Variants in RAB10 observed in about 807,000 individuals in gnomAD.
RAB10 encodes RAB10, member RAS oncogene family.
RAB10 carries 5 observed loss-of-function variants against 25.7 expected under a neutral mutation model. The ratio of observed to expected loss-of-function variants is 0.19; its 90% CI spans 0.10 to 0.41. The LOEUF is 0.41. RAB10 is among the 10% of genes least tolerant of loss of function. RAB10 has a pLI of 1.00. For synonymous variants in RAB10, 89 were observed against 86.4 expected (o/e 1.03, Z -0.16); for missense variants, 103 against 245.8 (o/e 0.42, Z 3.89).
chr2:26,045,342 C>T (rs966366267), intron 1 of RAB10, among the ~76,000 whole-genome samples: 5 of 151,894 alleles, frequency 3.3e-5, no homozygotes, highest in African/African-American at 1.2e-4. Flanking sequence ...CGGGTTCACG[C>T]CATTCTCCTG....
rs1311779576 is a variant in RAB10, at chr2:26,137,252, G to A, written c.*2231G>A. 6.6e-6 allele frequency: 1 copy of A among 152,620 alleles called. No individual in the cohort carries two copies. Among genetic ancestry groups the A allele is most frequent in the Non-Finnish European group, 1.5e-5 (1 of 68,032 alleles). 9.5% of individuals were successfully genotyped at this position (152,620 alleles called of 1,614,324 possible). On this transcript the variant is annotated 3_prime_UTR_variant, in exon 6 of 6. Transcript: ENST00000264710. ...TCTGTTTGAAACATGAGTTTTATTT[G>A]CTTAATATTAGGGCTTTGCCCCTTT...
At chr2:26,112,910 G>C (rs1389353203) in intron 3 of RAB10, among the ~76,000 whole-genome samples, 3 of 152,074 alleles carry the variant, frequency 2.0e-5, no homozygotes, top group Non-Finnish European at 2.9e-5. Flanking sequence ...GTGAAACCCT[G>C]TCTCTATGAA....
chr2:26,086,102 G>A (rs1666981361), intron 1 of RAB10, among the ~76,000 whole-genome samples: 1 of 151,448 alleles, frequency 6.6e-6, no homozygotes, highest in Non-Finnish European at 1.5e-5. Context: ...ATCACCTGAG[G>A]CCAGGAGTTC....
chr2:26,102,665 C>T (rs1314033103), intron 2 of RAB10, among the ~76,000 whole-genome samples: 1 of 152,120 alleles, frequency 6.6e-6, no homozygotes, highest in Non-Finnish European at 1.5e-5. Context: ...GTCTCGATCT[C>T]CTGACCTTGT....
chr2:26,078,088 T>C (rs180984140), intron 1 of RAB10, among the ~76,000 whole-genome samples: 2 of 152,250 alleles, frequency 1.3e-5, no homozygotes, highest in Admixed American at 1.3e-4. Flanking sequence ...CCATTTACAG[T>C]AGCATCAAAA....
intron 1 of RAB10, among the ~76,000 whole-genome samples, chr2:26,089,363 G>A (rs1264865004): frequency 1.3e-5 from 2 of 151,472 alleles, no homozygotes; most frequent in African/African-American, 4.9e-5. Flanking sequence ...GTGGAGGTTG[G>A]AGTGAGCAGA....
intron 1 of RAB10, among the ~76,000 whole-genome samples, chr2:26,061,941 C>A (rs562613633): frequency 6.7e-4 from 102 of 152,146 alleles, no homozygotes; most frequent in Non-Finnish European, 1.3e-3. Context: ...CCAGGCTAAA[C>A]ATCATATGCT....
At chr2:26,126,303 C>T (rs755296084) in intron 3 of RAB10, among the ~76,000 whole-genome samples, 1 of 152,112 alleles carries the variant, frequency 6.6e-6, no homozygotes, top group Non-Finnish European at 1.5e-5. Context: ...TTTGGCTGGG[C>T]TCAGTGGCTC....
chr2:26,108,877 TTATATTTATTTATTTATTTATTTA>T (rs1667516883), intron 2 of RAB10, among the ~76,000 whole-genome samples: 1 of 126,972 alleles, frequency 7.9e-6, no homozygotes, highest in African/African-American at 3.1e-5. Flanking sequence ...GTCTTTTGCT[TTATATTTATTTATTTATTTATTTA>T]TTTATTTATT....
chr2:26,129,306 A>G (rs1667967340), intron 5 of RAB10, among the ~76,000 whole-genome samples: 1 of 151,728 alleles, frequency 6.6e-6, no homozygotes, highest in Admixed American at 6.6e-5. Flanking sequence ...AATCTGACAC[A>G]CATCCTAAAA....
At chr2:26,122,713 C>T (rs1270736363) in intron 3 of RAB10, among the ~76,000 whole-genome samples, 11 of 151,772 alleles carry the variant, frequency 7.2e-5, no homozygotes, top group South Asian at 6.3e-4. Context: ...TAAAGCAAAA[C>T]GGAAGAGAAG....
chr2:26,122,959 T>C (rs1430293898), intron 3 of RAB10, among the ~76,000 whole-genome samples: 1 of 152,048 alleles, frequency 6.6e-6, no homozygotes, highest in African/African-American at 2.4e-5. Flanking sequence ...GCACAGGGAA[T>C]TAAGGCAGGA....
chr2:26,063,423 T>G (rs1666450776), intron 1 of RAB10, among the ~76,000 whole-genome samples: 1 of 81,710 alleles, frequency 1.2e-5, no homozygotes, highest in Non-Finnish European at 2.7e-5. Flanking sequence ...CTCACATTCT[T>G]TATGTGATTT....
At chr2:26,070,711 C>T (rs1666606043) in intron 1 of RAB10, among the ~76,000 whole-genome samples, 1 of 152,020 alleles carries the variant, frequency 6.6e-6, no homozygotes, top group African/African-American at 2.4e-5. Context: ...TTGGTTCCAC[C>T]TAAATTTTCT....
chr2:26,116,897 CTG>C, intron 3 of RAB10, among the ~76,000 whole-genome samples: 2 of 151,364 alleles, frequency 1.3e-5, no homozygotes, highest in South Asian at 4.2e-4. Flanking sequence ...GAGGGTCTTG[CTG>C]TGTTGCCCAG....
chr2:26,055,993 C>T (rs1461353612), intron 1 of RAB10, among the ~76,000 whole-genome samples: 1 of 151,974 alleles, frequency 6.6e-6, no homozygotes, highest in Non-Finnish European at 1.5e-5. Context: ...CTTCCAGGCT[C>T]AAGCGATCCT....
intron 2 of RAB10, among the ~76,000 whole-genome samples, chr2:26,108,877 TTATA>T (rs199854804): frequency 0.1 from 12,914 of 127,002 alleles, 646 homozygotes; most frequent in Non-Finnish European, 0.12. Context: ...GTCTTTTGCT[TTATA>T]TTTATTTATT....
intron 1 of RAB10, among the ~76,000 whole-genome samples, chr2:26,081,989 A>G (rs998641539): frequency 2.0e-5 from 3 of 152,190 alleles, no homozygotes; most frequent in Non-Finnish European, 2.9e-5. Flanking sequence ...TGGAAATCGA[A>G]ACTTACACAA....
At chr2:26,102,439 CTTTTTTTTT>C (rs562310195) in intron 2 of RAB10, among the ~76,000 whole-genome samples, 4 of 124,372 alleles carry the variant, frequency 3.2e-5, no homozygotes, top group African/African-American at 1.3e-4. Flanking sequence ...TTTTTTCTTT[CTTTTTTTTT>C]TTTTTTTTGA....
Sources: allele counts gnomAD v4.1 joint callset (sites outside exome capture counted in the v4.1 genomes callset), GRCh38; gene constraint gnomAD v4.1.1; transcripts MANE v1.5; gene names NCBI Gene and HGNC (gene_info 2026-07-23, HGNC 2026-07-21).